Variants in MRPL13 observed in about 807,000 individuals in gnomAD.
The protein encoded by MRPL13 is mitochondrial ribosomal protein L13.
A neutral mutation model predicts 29.0 loss-of-function variants in MRPL13; 33 were observed. The ratio of observed to expected loss-of-function variants is 1.14; its 90% CI spans 0.86 to 1.52. The LOEUF (loss-of-function observed/expected upper bound fraction) is 1.52, where lower values mean the gene tolerates loss of function less well. Ranked by LOEUF, MRPL13 falls within the 40% of genes most tolerant of loss-of-function variation. The pLI is 0.00. For missense variants in MRPL13, 227 were observed against 216.7 expected, an observed-to-expected ratio of 1.05 and a Z score of -0.30; for synonymous variants, 77 against 68.4, an observed-to-expected ratio of 1.13 and a Z score of -0.62.
intron 5 of MRPL13, 195 bp downstream of exon 5, chr8:120,419,657 T>C (rs1036624273): frequency 2.8e-6 from 1 of 357,016 alleles, no homozygotes; most frequent in Non-Finnish European, 4.9e-6. Flanking sequence ...AGTCCAATGA[T>C]GGTTCATTTT....
intron 2 of MRPL13, among the ~76,000 whole-genome samples, chr8:120,439,940 C>T (rs1418719909): frequency 6.6e-6 from 1 of 152,212 alleles, no homozygotes; most frequent in Non-Finnish European, 1.5e-5. Context: ...GTATTTTCTT[C>T]ATTTTCACAA....
intron 6 of MRPL13, among the ~76,000 whole-genome samples, chr8:120,399,020 G>A (rs2130447572): frequency 6.6e-6 from 1 of 151,950 alleles, no homozygotes; most frequent in South Asian, 2.1e-4. Context: ...ATGACTAATT[G>A]GGGTACCTGA....
At chr8:120,423,878 A>T (rs1039355224) in intron 4 of MRPL13, among the ~76,000 whole-genome samples, 5 of 152,120 alleles carry the variant, frequency 3.3e-5, no homozygotes, top group Admixed American at 6.6e-5. Context: ...GAGTTTTTTT[A>T]AAAACCTGAA....
chr8:120,415,488 T>C (rs1456783033), intron 5 of MRPL13: 1 of 152,080 alleles, frequency 6.6e-6, no homozygotes, highest in East Asian at 1.9e-4. Flanking sequence ...AGGATAAAAT[T>C]TTATAACTTT....
chr8:120,440,594 G>C lies in MRPL13; in HGVS notation c.151+2591C>G, dbSNP rs529909003. Among the ~76,000 whole-genome samples the C allele has an allele frequency of 2.3e-3, 311 of 136,248 alleles. 5 individuals are homozygous for C. The highest frequency in any genetic ancestry group is 0.021 in the Admixed American group (274 of 12,946). The allele number at this position is 136,248 out of a possible 152,430, so 89.4% of individuals were successfully genotyped here. A position where few individuals can be genotyped will look rare whatever the true frequency, so the allele number is the denominator to read the frequency against. Reference sequence around the variant, plus strand: ...CACTCTAGCCTGGGCAACAAAGTGAGACTCTCTCTCTCTCAAAAAAAAAAA... The same window carrying C: ...CACTCTAGCCTGGGCAACAAAGTGACACTCTCTCTCTCTCAAAAAAAAAAA... On this transcript the variant is annotated intron_variant, in intron 2 of 6. Coordinates refer to ENST00000306185, the MANE Select transcript of MRPL13 (RefSeq NM_014078.6).
chr8:120,440,973 G>C (rs1352427231), intron 2 of MRPL13, among the ~76,000 whole-genome samples: 1 of 151,848 alleles, frequency 6.6e-6, no homozygotes. Context: ...CCAGAGTTCA[G>C]ATATACTTTT....
intron 3 of MRPL13, among the ~76,000 whole-genome samples, chr8:120,428,885 G>A (rs1812964232): frequency 6.6e-6 from 1 of 151,658 alleles, no homozygotes; most frequent in Non-Finnish European, 1.5e-5. Flanking sequence ...ACTGTTGGTG[G>A]GAATTTTACA....
In MRPL13 at chr8:120,445,060, G is replaced by A. The variant is rs1181779848; in HGVS notation, c.27+8C>T. ...GAACCCCATCAAGCCATAAGAGTCC[G>A]AGCTCACCTGGGGCGCCCTAGAGAA... On this transcript the variant is annotated splice_region_variant and intron_variant, in intron 1 of 6. Coordinates refer to ENST00000306185, the MANE Select transcript of MRPL13 (RefSeq NM_014078.6). 3.7e-6 allele frequency: 6 copies of A among 1,613,786 alleles called. No individual in the cohort carries two copies. Among genetic ancestry groups the A allele is most frequent in the Non-Finnish European group, 5.1e-6 (6 of 1,179,934 alleles).
chr8:120,422,586 A>G (rs1391666034), intron 4 of MRPL13, among the ~76,000 whole-genome samples: 1 of 146,124 alleles, frequency 6.8e-6, no homozygotes, highest in Non-Finnish European at 1.5e-5. Context: ...ACATATATAT[A>G]AACATATATA....
At chr8:120,405,713 A>T (rs1812658751) in intron 6 of MRPL13, among the ~76,000 whole-genome samples, 1 of 152,224 alleles carries the variant, frequency 6.6e-6, no homozygotes, top group South Asian at 2.1e-4. Context: ...TTTAGTACTC[A>T]GCAAATGTAT....
chr8:120,435,806 T>C (rs1181043750), intron 2 of MRPL13, among the ~76,000 whole-genome samples: 2 of 152,194 alleles, frequency 1.3e-5, no homozygotes, highest in Non-Finnish European at 2.9e-5. Context: ...TTTGACCTTT[T>C]AATGATAGCC....
intron 5 of MRPL13, chr8:120,419,568 A>G: frequency 5.2e-6 from 1 of 191,356 alleles, no homozygotes. Flanking sequence ...CCTCAATTTA[A>G]CAGGGTTTCT....
intron 6 of MRPL13, among the ~76,000 whole-genome samples, chr8:120,400,776 A>G (rs889780366): frequency 7.2e-5 from 11 of 151,886 alleles, no homozygotes; most frequent in Admixed American, 1.3e-4. Context: ...CTAATAAAGG[A>G]GAAGAGAGAG....
At chr8:120,410,557 G>GCATAGT (rs1812727995) in intron 6 of MRPL13, among the ~76,000 whole-genome samples, 1 of 152,058 alleles carries the variant, frequency 6.6e-6, no homozygotes, top group Non-Finnish European at 1.5e-5. Context: ...AACTAAAATA[G>GCATAGT]CATAGTCCAA....
chr8:120,412,523 T>C (rs1812750680), intron 6 of MRPL13, among the ~76,000 whole-genome samples: 1 of 152,168 alleles, frequency 6.6e-6, no homozygotes, highest in Non-Finnish European at 1.5e-5. Flanking sequence ...AGGCTCAAAA[T>C]GAAAGATGAC....
At chr8:120,399,205 A>C (rs1812559806) in intron 6 of MRPL13, among the ~76,000 whole-genome samples, 1 of 152,154 alleles carries the variant, frequency 6.6e-6, no homozygotes, top group Non-Finnish European at 1.5e-5. Context: ...AGATTCTCCA[A>C]GGTCAAAATA....
intron 6 of MRPL13, among the ~76,000 whole-genome samples, chr8:120,411,753 G>C (rs571303384): frequency 1.9e-4 from 29 of 152,256 alleles, no homozygotes; most frequent in African/African-American, 7.0e-4. Context: ...GGAATGAAGA[G>C]AGAGGGCAGG....
At chr8:120,435,920 GTCT>G (rs1472204800) in intron 2 of MRPL13, among the ~76,000 whole-genome samples, 12 of 152,072 alleles carry the variant, frequency 7.9e-5, no homozygotes, top group African/African-American at 7.2e-5. Context: ...CTGTATGTAA[GTCT>G]TCTTTTGAAG....
intron 2 of MRPL13, among the ~76,000 whole-genome samples, chr8:120,438,987 C>A (rs1202297579): frequency 6.6e-6 from 1 of 152,206 alleles, no homozygotes; most frequent in Non-Finnish European, 1.5e-5. Flanking sequence ...TATTTACTTT[C>A]AAAATACAGT....
Sources: allele counts gnomAD v4.1 joint callset (sites outside exome capture counted in the v4.1 genomes callset), GRCh38; gene constraint gnomAD v4.1.1; transcripts MANE v1.5; gene names NCBI Gene and HGNC (gene_info 2026-07-23, HGNC 2026-07-21).